DACH1: variants seen among roughly 807,000 people sequenced by gnomAD.
DACH1 encodes dachshund homolog 1.
DACH1 carries 12 observed loss-of-function variants against 54.2 expected under a neutral mutation model. The ratio of observed to expected loss-of-function variants is 0.22; its 90% CI spans 0.14 to 0.36. The LOEUF is 0.36. Among genes scored for constraint, DACH1 ranks in the 10% least tolerant of loss-of-function variants. The probability of loss-of-function intolerance (pLI) is 1.00; values close to 1 mark genes in which losing one functional copy is unlikely to be tolerated. For synonymous variants in DACH1, 386 were observed against 366.2 expected (o/e 1.05, Z -0.62); for missense variants, 805 against 929.8 (o/e 0.87, Z 1.75).
At chr13:71,576,194 A>G (rs1359187223) in intron 3 of DACH1, among the ~76,000 whole-genome samples, 1 of 151,928 alleles carries the variant, frequency 6.6e-6, no homozygotes, top group East Asian at 1.9e-4. Flanking sequence ...GGGAAGACAG[A>G]AACAGAAAAA....
intron 1 of DACH1, among the ~76,000 whole-genome samples, chr13:71,745,471 A>T (rs1421980231): frequency 8.5e-5 from 13 of 152,240 alleles, no homozygotes; most frequent in African/African-American, 3.1e-4. Flanking sequence ...ATCATAATAT[A>T]TAAATTCTAA....
chr13:71,539,818 T>C (rs1324242527), intron 6 of DACH1, among the ~76,000 whole-genome samples: 2 of 151,786 alleles, frequency 1.3e-5, no homozygotes, highest in Non-Finnish European at 2.9e-5. Flanking sequence ...AGAGAAAATA[T>C]CAAAAAAGAT....
intron 1 of DACH1, among the ~76,000 whole-genome samples, chr13:71,770,849 A>C (rs1429674321): frequency 6.6e-6 from 1 of 151,540 alleles, no homozygotes; most frequent in Admixed American, 6.6e-5. Flanking sequence ...CTTTCCCTCC[A>C]GTGCAATACT....
chr13:71,776,979 G>T (rs1439734164), intron 1 of DACH1, among the ~76,000 whole-genome samples: 1 of 151,988 alleles, frequency 6.6e-6, no homozygotes, highest in Non-Finnish European at 1.5e-5. Context: ...CATCTGATAA[G>T]CATCCTCAAA....
chr13:71,528,018 G>A (rs2138297714), intron 6 of DACH1, among the ~76,000 whole-genome samples: 1 of 152,086 alleles, frequency 6.6e-6, no homozygotes, highest in East Asian at 1.9e-4. Context: ...ATTAAGGTAT[G>A]CAAATGTAGA....
intron 1 of DACH1, among the ~76,000 whole-genome samples, chr13:71,703,092 A>G (rs1882236030): frequency 6.6e-6 from 1 of 152,160 alleles, no homozygotes; most frequent in Admixed American, 6.6e-5. Flanking sequence ...AATTTTCTTA[A>G]TTGTGTGTCA....
At chr13:71,536,294 T>G (rs140641414) in intron 6 of DACH1, among the ~76,000 whole-genome samples, 146 of 152,254 alleles carry the variant, frequency 9.6e-4, no homozygotes, top group Middle Eastern at 3.4e-3. Context: ...GAGAAATCTT[T>G]CTCAAGCGCA....
chr13:71,564,857 TAG>T (rs1884809611), intron 4 of DACH1, among the ~76,000 whole-genome samples: 2 of 152,204 alleles, frequency 1.3e-5, no homozygotes, highest in Admixed American at 1.3e-4. Context: ...TGTTTTTCAA[TAG>T]AGATTCTCTA....
At chr13:71,579,946 G>C (rs1412896596) in intron 3 of DACH1, among the ~76,000 whole-genome samples, 1 of 152,056 alleles carries the variant, frequency 6.6e-6, no homozygotes, top group Non-Finnish European at 1.5e-5. Flanking sequence ...TAGTTACATA[G>C]ATTTTTGTAT....
intron 6 of DACH1, among the ~76,000 whole-genome samples, chr13:71,514,733 T>C (rs1881034562): frequency 6.6e-6 from 1 of 151,816 alleles, no homozygotes; most frequent in Admixed American, 6.6e-5. Flanking sequence ...ATGAAACTTG[T>C]CTCTAAAAAA....
At chr13:71,581,081 A>C (rs927396699) in intron 3 of DACH1, among the ~76,000 whole-genome samples, 1 of 151,654 alleles carries the variant, frequency 6.6e-6, no homozygotes, top group Non-Finnish European at 1.5e-5. Context: ...GAAATAAATA[A>C]GGTAAGACTA....
intron 7 of DACH1, among the ~76,000 whole-genome samples, chr13:71,482,036 G>T (rs1341009904): frequency 6.6e-6 from 1 of 152,168 alleles, no homozygotes; most frequent in East Asian, 1.9e-4. Flanking sequence ...ATGGTTCTTA[G>T]GATACTGAAG....
chr13:71,557,060 T>C lies in DACH1; in HGVS notation c.1534A>G (p.Met512Val). 1 of 1,610,956 alleles carries C rather than the reference T, an allele frequency of 6.2e-7. No individual in the cohort carries two copies. The highest frequency in any genetic ancestry group is 8.5e-7 in the Non-Finnish European group (1 of 1,178,484). The change falls in exon 6 of 11, where the codon ATG becomes GTG. Residue 512 changes from methionine (M) to valine (V), a missense_variant. Around this residue, in one of 3 missense-constraint regions of DACH1, gnomAD observed 472 missense variants for 545.3 expected, o/e 0.87. Coordinates refer to ENST00000613252, the MANE Select transcript of DACH1 (RefSeq NM_080759.6). The stretch of plus-strand genomic sequence containing the variant: ...TGCATCCTTTTTGACTCATGTCCCA[T>C]GTCATGACCGGCCAAATCTCCCTCT... ...PKEGDLAGHD[M>V]GHESKRMHIE...
intron 10 of DACH1, among the ~76,000 whole-genome samples, chr13:71,457,529 A>G (rs1289276009): frequency 2.0e-5 from 3 of 151,558 alleles, no homozygotes; most frequent in Non-Finnish European, 4.4e-5. Context: ...ACTCCCACGA[A>G]AAAAAAAGCT....
chr13:71,482,793 GTTTTT>G (rs10716729), intron 7 of DACH1, among the ~76,000 whole-genome samples: 1 of 67,494 alleles, frequency 1.5e-5, no homozygotes, highest in African/African-American at 4.6e-5. Flanking sequence ...TCAACTGACA[GTTTTT>G]TTTTTTTTTT....
chr13:71,769,578 T>C (rs1303894936), intron 1 of DACH1, among the ~76,000 whole-genome samples: 2 of 151,722 alleles, frequency 1.3e-5, no homozygotes, highest in African/African-American at 4.8e-5. Flanking sequence ...TAGTAGATTG[T>C]ATATCAGACA....
chr13:71,813,889 T>C (rs1386847076), intron 1 of DACH1, among the ~76,000 whole-genome samples: 1 of 152,182 alleles, frequency 6.6e-6, no homozygotes, highest in Admixed American at 6.5e-5. Context: ...TGAAGATATC[T>C]ATCCAATGTG....
At chr13:71,708,859 T>TA (rs1882572632) in intron 1 of DACH1, among the ~76,000 whole-genome samples, 1 of 146,882 alleles carries the variant, frequency 6.8e-6, no homozygotes, top group East Asian at 2.0e-4. Flanking sequence ...GTTGTTTTTT[T>TA]TTTTTTTTTT....
At chr13:71,762,484 C>A (rs1183513593) in intron 1 of DACH1, among the ~76,000 whole-genome samples, 1 of 151,958 alleles carries the variant, frequency 6.6e-6, no homozygotes, top group Non-Finnish European at 1.5e-5. Context: ...CTAGGTCCGG[C>A]GTGGTGGCTC....
Sources: gnomAD v4.1 joint callset for allele counts (sites outside exome capture counted in the v4.1 genomes callset) on GRCh38, gnomAD v4.1.1 for gene constraint, gnomAD v4.1.1 regional missense constraint, MANE v1.5 for transcripts, NCBI Gene and HGNC (gene_info 2026-07-23, HGNC 2026-07-21) for gene names.